AKAP6: variants seen among roughly 807,000 people sequenced by gnomAD.
AKAP6 encodes the protein A-kinase anchoring protein 6.
In AKAP6, 58 loss-of-function variants were observed where a neutral mutation model predicts 188.5. That is an observed-to-expected ratio of 0.31 (90% confidence interval 0.25 to 0.38). The LOEUF (loss-of-function observed/expected upper bound fraction) is 0.38, where lower values mean the gene tolerates loss of function less well. AKAP6 is among the 10% of genes least tolerant of loss of function. AKAP6 has a pLI of 1.00. For missense variants in AKAP6, 2,710 were observed against 2,740.0 expected (o/e 0.99, Z 0.24); for synonymous variants, 989 against 998.6 (o/e 0.99, Z 0.18).
chr14:32,349,194 AC>A (rs1459280973), intron 1 of AKAP6, among the ~76,000 whole-genome samples: 2 of 152,262 alleles, frequency 1.3e-5, no homozygotes, highest in Non-Finnish European at 2.9e-5. Flanking sequence ...GTATTTCAAA[AC>A]AAAAGCTATT....
intron 2 of AKAP6, among the ~76,000 whole-genome samples, chr14:32,500,248 C>T (rs1880539915): frequency 6.6e-6 from 1 of 152,174 alleles, no homozygotes; most frequent in Admixed American, 6.6e-5. Flanking sequence ...TAACAAAATA[C>T]TTGAATGTGC....
chr14:32,453,395 C>T (rs10141964), intron 2 of AKAP6, among the ~76,000 whole-genome samples: 57,165 of 151,820 alleles, frequency 0.38, 16,660 homozygotes, highest in African/African-American at 0.82. Context: ...GGGATTTTTT[C>T]TCTATCCCTC....
chr14:32,487,064 G>A (rs10131652), intron 2 of AKAP6, among the ~76,000 whole-genome samples: 102,107 of 152,044 alleles, frequency 0.67, 35,748 homozygotes, highest in East Asian at 0.89. Context: ...TTCTGCCTCT[G>A]TTGAGATAAT....
chr14:32,356,160 G>A (rs1887477899), intron 1 of AKAP6, among the ~76,000 whole-genome samples: 1 of 152,128 alleles, frequency 6.6e-6, no homozygotes, highest in African/African-American at 2.4e-5. Context: ...TTTAGTTCAT[G>A]AAAACAAGAA....
intron 7 of AKAP6, among the ~76,000 whole-genome samples, chr14:32,613,121 CTCT>C: frequency 6.6e-6 from 1 of 152,282 alleles, no homozygotes; most frequent in Admixed American, 6.5e-5. Flanking sequence ...TTGGGGAGCT[CTCT>C]TCTTTGTAAA....
chr14:32,521,807 T>A (rs1346806503), intron 2 of AKAP6, among the ~76,000 whole-genome samples: 1 of 152,206 alleles, frequency 6.6e-6, no homozygotes, highest in Non-Finnish European at 1.5e-5. Flanking sequence ...AAGCTACCAA[T>A]GACTTTCTTC....
intron 2 of AKAP6, among the ~76,000 whole-genome samples, chr14:32,469,806 T>C (rs1398796363): frequency 1.3e-5 from 2 of 152,116 alleles, no homozygotes; most frequent in African/African-American, 2.4e-5. Flanking sequence ...GATTGCATTA[T>C]GTCTGTTTCC....
intron 1 of AKAP6, among the ~76,000 whole-genome samples, chr14:32,353,358 G>A (rs560681582): frequency 2.0e-5 from 3 of 147,638 alleles, no homozygotes; most frequent in African/African-American, 4.9e-5. Flanking sequence ...TCAGGAGATC[G>A]AAACCATCCT....
At chr14:32,521,064 A>G (rs1450815359) in intron 2 of AKAP6, among the ~76,000 whole-genome samples, 1 of 152,348 alleles carries the variant, frequency 6.6e-6, no homozygotes, top group Non-Finnish European at 1.5e-5. Context: ...ATAATCCATC[A>G]TATAAACAGA....
chr14:32,614,811 G>A (rs868573582), intron 7 of AKAP6, among the ~76,000 whole-genome samples: 1 of 152,004 alleles, frequency 6.6e-6, no homozygotes, highest in Non-Finnish European at 1.5e-5. Flanking sequence ...GCTAATTGAT[G>A]CACTTCTGGC....
In AKAP6 at chr14:32,799,127, A is replaced by G. The variant is rs76965875; in HGVS notation, c.3589-22275A>G. ...ATATGAACAAATGACAGAGAAGTGA[A>G]TAGAGGAGGAAATCCTGTCTTAAGT... On this transcript the variant is annotated intron_variant, in intron 12 of 13. Transcript: ENST00000280979. Among the ~76,000 whole-genome samples the G allele has an allele frequency of 1.1e-4, 17 of 152,324 alleles. No homozygotes were observed. The East Asian group carries it at 3.1e-3, about 28-fold the overall frequency.
At chr14:32,464,839 A>G (rs1878309033) in intron 2 of AKAP6, among the ~76,000 whole-genome samples, 1 of 152,218 alleles carries the variant, frequency 6.6e-6, no homozygotes, top group Non-Finnish European at 1.5e-5. Flanking sequence ...TTGTATATTT[A>G]GAAAACCCCA....
At chr14:32,542,799 A>T (rs1269870548) in intron 3 of AKAP6, among the ~76,000 whole-genome samples, 1 of 152,230 alleles carries the variant, frequency 6.6e-6, no homozygotes, top group Non-Finnish European at 1.5e-5. Context: ...GTTGTGTTTT[A>T]AAAATACTTA....
intron 2 of AKAP6, among the ~76,000 whole-genome samples, chr14:32,456,876 T>C (rs1891161894): frequency 6.6e-6 from 1 of 152,222 alleles, no homozygotes; most frequent in African/African-American, 2.4e-5. Flanking sequence ...GGAGAAATAA[T>C]TTATATGAAA....
intron 12 of AKAP6, among the ~76,000 whole-genome samples, chr14:32,804,374 T>C (rs568551750): frequency 7.9e-5 from 12 of 152,268 alleles, no homozygotes; most frequent in Admixed American, 1.3e-4. Context: ...GCTGGGCTGC[T>C]GGGGGTGACA....
intron 7 of AKAP6, among the ~76,000 whole-genome samples, chr14:32,605,296 G>A (rs1028233493): frequency 9.2e-5 from 14 of 152,244 alleles, no homozygotes; most frequent in Admixed American, 7.8e-4. Context: ...AGGCATTCTT[G>A]TTTTAAATGA....
intron 9 of AKAP6, among the ~76,000 whole-genome samples, chr14:32,705,019 C>T (rs1031243367): frequency 3.3e-5 from 5 of 152,122 alleles, no homozygotes; most frequent in African/African-American, 7.2e-5. Context: ...GATGGTAAGG[C>T]GCAAGGGAAA....
chr14:32,374,481 G>A (rs1396581101), intron 1 of AKAP6, among the ~76,000 whole-genome samples: 1 of 152,170 alleles, frequency 6.6e-6, no homozygotes, highest in Non-Finnish European at 1.5e-5. Context: ...GCATTAAGGG[G>A]ATGTTGATTC....
At chr14:32,777,847 G>A (rs1381955119) in intron 12 of AKAP6, among the ~76,000 whole-genome samples, 1 of 152,026 alleles carries the variant, frequency 6.6e-6, no homozygotes, top group Non-Finnish European at 1.5e-5. Flanking sequence ...AGACCAACCT[G>A]GGCAACATAG....
Sources: gnomAD v4.1 joint callset for allele counts (sites outside exome capture counted in the v4.1 genomes callset) on GRCh38, gnomAD v4.1.1 for gene constraint, MANE v1.5 for transcripts, NCBI Gene and HGNC (gene_info 2026-07-23, HGNC 2026-07-21) for gene names.